CCSER2: variants seen among roughly 807,000 people sequenced by gnomAD.
CCSER2 encodes serine-rich coiled-coil domain-containing protein 2.
Under a neutral mutation model 92.3 loss-of-function variants are expected in CCSER2, and 46 were observed. That is an observed-to-expected ratio of 0.50 (90% CI 0.39 to 0.64). CCSER2 has a LOEUF of 0.64. Among genes scored for constraint, CCSER2 ranks in the 30% least tolerant of loss-of-function variants. CCSER2 has a pLI of 0.00. For synonymous variants in CCSER2, 433 were observed against 431.4 expected (o/e 1.00, Z -0.04); for missense variants, 1,244 against 1,238.9 (o/e 1.00, Z -0.06).
At chr10:84,483,746 T>C (rs1248520869) in intron 9 of CCSER2, among the ~76,000 whole-genome samples, 3 of 151,172 alleles carry the variant, frequency 2.0e-5, no homozygotes, top group Middle Eastern at 3.4e-3. Context: ...GGCAAAATTA[T>C]TGGTTAATTT....
At chr10:84,494,663 A>G (rs1024597720) in intron 9 of CCSER2, among the ~76,000 whole-genome samples, 1 of 152,158 alleles carries the variant, frequency 6.6e-6, no homozygotes, top group African/African-American at 2.4e-5. Flanking sequence ...AGGGGTGATG[A>G]TATTCCTTCC....
intron 1 of CCSER2, among the ~76,000 whole-genome samples, chr10:84,367,057 C>G (rs182585100): frequency 1.3e-5 from 2 of 152,212 alleles, no homozygotes; most frequent in East Asian, 3.9e-4. Flanking sequence ...CAGTTATTTC[C>G]TTTGTATATT....
chr10:84,336,646 T>C (rs1037947752), intron 1 of CCSER2, among the ~76,000 whole-genome samples: 23 of 152,156 alleles, frequency 1.5e-4, no homozygotes, highest in African/African-American at 5.5e-4. Flanking sequence ...GGGAAATGAT[T>C]GGTAGATGAG....
chr10:84,399,709 T>A (rs553379984), intron 3 of CCSER2, among the ~76,000 whole-genome samples: 1 of 152,246 alleles, frequency 6.6e-6, no homozygotes, highest in African/African-American at 2.4e-5. Context: ...GAACTTCTAA[T>A]AATTGGCTGT....
At chr10:84,460,256 A>ATT (rs57903884) in intron 6 of CCSER2, among the ~76,000 whole-genome samples, 3,201 of 125,654 alleles carry the variant, frequency 0.025, 117 homozygotes, top group African/African-American at 0.065. Context: ...TGCCCGGCTG[A>ATT]TTTTTTTTTT....
At chr10:84,367,786 C>G (rs960911345) in intron 1 of CCSER2, among the ~76,000 whole-genome samples, 1 of 150,018 alleles carries the variant, frequency 6.7e-6, no homozygotes, top group Non-Finnish European at 1.5e-5. Context: ...TTCAATTTAC[C>G]TGTTTTGTCT....
chr10:84,438,849 T>C, intron 6 of CCSER2, 142 bp downstream of exon 6: 1 of 544,774 alleles, frequency 1.8e-6, no homozygotes, highest in South Asian at 3.3e-5. Flanking sequence ...TAGTATATAG[T>C]AGAAAGTTTT....
intron 1 of CCSER2, among the ~76,000 whole-genome samples, chr10:84,340,835 G>C (rs1456061695): frequency 6.6e-6 from 1 of 151,860 alleles, no homozygotes; most frequent in Admixed American, 6.6e-5. Flanking sequence ...TTCAACAAAC[G>C]TTTTTTGGCC....
intron 1 of CCSER2, among the ~76,000 whole-genome samples, chr10:84,338,113 T>G (rs1353468323): frequency 2.6e-5 from 4 of 151,798 alleles, no homozygotes; most frequent in African/African-American, 7.3e-5. Context: ...AAACCCCATC[T>G]CTACTAAAAT....
chr10:84,397,821 G>A (rs1157361210), intron 3 of CCSER2, among the ~76,000 whole-genome samples: 1 of 152,198 alleles, frequency 6.6e-6, no homozygotes, highest in Non-Finnish European at 1.5e-5. Context: ...ATGTGCTTCT[G>A]TAGTGGCCTA....
chr10:84,510,148 T>C (rs1849277891), intron 9 of CCSER2, among the ~76,000 whole-genome samples: 1 of 152,236 alleles, frequency 6.6e-6, no homozygotes, highest in Non-Finnish European at 1.5e-5. Flanking sequence ...GCTTTTGCAC[T>C]ATCCTTTCAA....
At chr10:84,446,695 G>C (rs912482916) in intron 6 of CCSER2, among the ~76,000 whole-genome samples, 2 of 152,080 alleles carry the variant, frequency 1.3e-5, no homozygotes, top group African/African-American at 4.8e-5. Context: ...CCCAGATTAA[G>C]AAATAAGACA....
chr10:84,447,029 G>GTT (rs537462619), intron 6 of CCSER2, among the ~76,000 whole-genome samples: 6 of 139,894 alleles, frequency 4.3e-5, no homozygotes, highest in Non-Finnish European at 3.1e-5. Flanking sequence ...TTTGTTTCCA[G>GTT]TTTTTTTTTT....
At chr10:84,354,105 G>A (rs1013043612) in intron 1 of CCSER2, among the ~76,000 whole-genome samples, 3 of 152,046 alleles carry the variant, frequency 2.0e-5, no homozygotes, top group Admixed American at 6.6e-5. Context: ...AGGCTGAGGC[G>A]GGAGGGTTGC....
intron 9 of CCSER2, among the ~76,000 whole-genome samples, chr10:84,512,405 A>AGAGAGAGAGAGAGAGAGGGGGAG (rs1554872164): frequency 7.1e-6 from 1 of 140,624 alleles, no homozygotes. Context: ...TGAGAGAGAG[A>AGAGAGAGAGAGAGAGAGGGGGAG]GAGAGAGAGA....
At position 84,514,197 on chromosome 10, in the gene CCSER2, G is replaced by T; in HGVS notation, c.3074G>T (p.Gly1025Val). 1 of 1,536,440 alleles carries T rather than the reference G, an allele frequency of 6.5e-7. No individual in the cohort carries two copies. The highest frequency in any genetic ancestry group is 8.7e-7 in the Non-Finnish European group (1 of 1,146,992). ...QRKEIMQNPNGNLHSGDCLAS... is the reference protein window; with the variant it reads ...QRKEIMQNPNVNLHSGDCLAS... The stretch of plus-strand genomic sequence containing the variant: ...AAAGAAATCATGCAGAATCCAAATG[G>T]CAATTTGCATTCTGGGGATTGTTTG... Residue 1025 changes from glycine (G) to valine (V), a missense_variant, in exon 10 of 10, where the codon GGC (glycine) becomes GTC (valine). By Grantham distance (109) the Gly-to-Val change is moderately radical. Coordinates refer to ENST00000372088, the MANE Select transcript of CCSER2 (RefSeq NM_001284240.2).
intron 7 of CCSER2, among the ~76,000 whole-genome samples, chr10:84,469,453 T>A (rs1015335819): frequency 8.5e-5 from 13 of 152,126 alleles, no homozygotes; most frequent in Non-Finnish European, 8.8e-5. Context: ...TTGTAAAATG[T>A]CTATTTCTGA....
In CCSER2 at chr10:84,457,341, A is replaced by G. The variant is rs868688532; in HGVS notation, c.2065-6592A>G. On this transcript the variant is annotated intron_variant, in intron 6 of 9. Coordinates refer to ENST00000372088, the MANE Select transcript of CCSER2 (RefSeq NM_001284240.2). ...ATATATTATATATAATATATTATAT[A>G]TTATATATAATATATATATTTATTT... is the stretch of plus-strand genomic sequence containing the variant. Among the ~76,000 whole-genome samples the G allele has an allele frequency of 7.1e-4, 43 of 60,750 alleles. 2 individuals carry two copies. Among genetic ancestry groups the G allele is most frequent in the Admixed American group, 3.2e-3 (12 of 3,792 alleles). 39.9% of individuals were successfully genotyped at this position (60,750 alleles called of 152,430 possible).
intron 1 of CCSER2, among the ~76,000 whole-genome samples, chr10:84,367,564 AGATGAGGTT>A (rs1176024188): frequency 6.6e-6 from 1 of 151,746 alleles, no homozygotes; most frequent in Non-Finnish European, 1.5e-5. Flanking sequence ...TTTTTTGTAG[AGATGAGGTT>A]TTGCCATGTT....
Sources: allele counts gnomAD v4.1 joint callset (sites outside exome capture counted in the v4.1 genomes callset), GRCh38; gene constraint gnomAD v4.1.1; transcripts MANE v1.5; gene names NCBI Gene and HGNC (gene_info 2026-07-23, HGNC 2026-07-21).